The following NOTCH2 variants were observed in gnomAD, a reference collection of about 807,000 sequenced individuals.
NOTCH2 encodes neurogenic locus notch homolog protein 2.
In NOTCH2, 29 loss-of-function variants were observed where a neutral mutation model predicts 235.8. That is an observed-to-expected ratio of 0.12 (90% CI 0.09 to 0.17). NOTCH2 has a LOEUF of 0.17. Among genes scored for constraint, NOTCH2 ranks in the 10% least tolerant of loss-of-function variants. NOTCH2 has a pLI of 1.00. For missense variants in NOTCH2, 2,285 were observed against 3,150.2 expected (o/e 0.73, Z 6.57); for synonymous variants, 1,086 against 1,141.5 (o/e 0.95, Z 0.98).
intron 5 of NOTCH2, among the ~76,000 whole-genome samples, chr1:119,972,698 T>A (rs1553200520): frequency 6.6e-6 from 1 of 152,188 alleles, no homozygotes; most frequent in Non-Finnish European, 1.5e-5. Context: ...TGGGCTCCCA[T>A]AAAAATTGTC....
intron 22 of NOTCH2, among the ~76,000 whole-genome samples, chr1:119,934,492 A>G (rs1649777993): frequency 6.6e-6 from 1 of 152,166 alleles, no homozygotes; most frequent in Admixed American, 6.5e-5. Flanking sequence ...AATAAAGAAC[A>G]ATTCTCCTTT....
rs782007642 is a variant in NOTCH2 at position 119,965,579 on chromosome 1, C to G, written c.1568-13G>C. 5 of 1,528,576 alleles carry G rather than the reference C, an allele frequency of 3.3e-6. No homozygotes were observed. Among genetic ancestry groups the G allele is most frequent in the East Asian group, 2.2e-5 (1 of 44,456 alleles). 94.7% of individuals were successfully genotyped at this position (1,528,576 alleles called of 1,614,324 possible). On this transcript the variant is annotated splice_polypyrimidine_tract_variant and intron_variant, in intron 9 of 33. Coordinates refer to ENST00000256646, the MANE Select transcript of NOTCH2 (RefSeq NM_024408.4). The stretch of plus-strand genomic sequence containing the variant: ...GGCCCAGTGAAACCTCAAAAAGGGA[C>G]AGTGGTAACATGAGTCAAAGGATTA...
chr1:119,919,855 T>A (rs375564921), intron 30 of NOTCH2, among the ~76,000 whole-genome samples: 22 of 152,354 alleles, frequency 1.4e-4, no homozygotes, highest in South Asian at 8.3e-4. Context: ...CACGTTTTTC[T>A]GTTCAAGTTT....
Position 119,969,663 on chromosome 1 carries a change from T to A in NOTCH2, c.956A>T (p.Asn319Ile). 1 of 1,614,152 alleles carries A rather than the reference T, an allele frequency of 6.2e-7. No homozygotes were observed. Reference sequence around the variant, plus strand: ...GACACATACACAGCCATAGCCTCCATTGCGGTTGGCACAGGTGCCCCCATT... The same window carrying A: ...GACACATACACAGCCATAGCCTCCAATGCGGTTGGCACAGGTGCCCCCATT... ...CQNGGTCANR[N>I]GGYGCVCVNG... The change falls in exon 6 of 34, where the codon AAT (asparagine) becomes ATT (isoleucine). Residue 319 changes from asparagine (N) to isoleucine (I), a missense_variant. Physicochemically the swap from Asn to Ile is moderately radical, Grantham distance 149 (BLOSUM62 -3). This residue lies in a region of NOTCH2 where 431 missense variants were observed against 757.8 expected (regional missense o/e 0.57). Coordinates refer to ENST00000256646, the MANE Select transcript of NOTCH2 (RefSeq NM_024408.4).
intron 3 of NOTCH2, among the ~76,000 whole-genome samples, chr1:120,004,754 C>T (rs1307125994): frequency 3.3e-5 from 5 of 152,246 alleles, no homozygotes; most frequent in South Asian, 4.2e-4. Context: ...GTGAAGTAAA[C>T]TCTGATTCCC....
chr1:119,997,906 G>A (rs1229069564), intron 3 of NOTCH2, among the ~76,000 whole-genome samples: 7 of 145,204 alleles, frequency 4.8e-5, no homozygotes, highest in African/African-American at 1.1e-4. Flanking sequence ...CCCAGGAGGC[G>A]GAGGTTGCAG....
intron 1 of NOTCH2, among the ~76,000 whole-genome samples, chr1:120,065,278 A>G (rs797041614): frequency 8.5e-5 from 13 of 152,196 alleles, no homozygotes; most frequent in South Asian, 2.1e-4. Flanking sequence ...AAATAAGAAA[A>G]TGGCTAAAAA....
chr1:119,987,960 T>C (rs1652085401), intron 4 of NOTCH2, among the ~76,000 whole-genome samples: 1 of 152,218 alleles, frequency 6.6e-6, no homozygotes, highest in African/African-American at 2.4e-5. Flanking sequence ...TTACTTTCTC[T>C]TTCCTTGCTA....
intron 29 of NOTCH2, 121 bp downstream of exon 29, chr1:119,921,592 G>T: frequency 1.2e-6 from 1 of 834,386 alleles, no homozygotes; most frequent in Non-Finnish European, 2.1e-6. Flanking sequence ...TTATTGTCTG[G>T]GTAAGACATC....
chr1:119,921,927 GC>G, intron 28 of NOTCH2, 118 bp from the exon 29 acceptor site: 1 of 886,524 alleles, frequency 1.1e-6, no homozygotes, highest in Non-Finnish European at 1.8e-6. Context: ...CAGGGTCTTG[GC>G]CCAGAGAAGA....
chr1:120,003,244 A>G (rs1308878834), intron 3 of NOTCH2, among the ~76,000 whole-genome samples: 2 of 152,090 alleles, frequency 1.3e-5, no homozygotes, highest in African/African-American at 4.8e-5. Context: ...TCGAACCCCA[A>G]GTTCTTTGGT....
At position 119,952,544 on chromosome 1, in the gene NOTCH2, TC is replaced by T. The variant is rs587616645; in HGVS notation, c.2365+998del. On this transcript the variant is annotated intron_variant, in intron 14 of 33. Transcript: ENST00000256646. Reference sequence around the variant, plus strand: ...TCTTATAAGGAGCGCACAATCTACATCCTTCACATGTGGAGTTCACAATAGG... The same window carrying T: ...TCTTATAAGGAGCGCACAATCTACATCTTCACATGTGGAGTTCACAATAGG... Among the ~76,000 whole-genome samples, 266 of 152,302 alleles carry T rather than the reference TC, an allele frequency of 1.7e-3. 1 individual carries two copies. The highest frequency in any genetic ancestry group is 6.0e-3 in the African/African-American group (250 of 41,566).
At chr1:120,048,035 G>T (rs1570784346) in intron 1 of NOTCH2, among the ~76,000 whole-genome samples, 1 of 151,824 alleles carries the variant, frequency 6.6e-6, no homozygotes. Flanking sequence ...CAAAGTTCTG[G>T]GATTAACAGG....
chr1:119,997,844 C>T (rs1292434506), intron 3 of NOTCH2, among the ~76,000 whole-genome samples: 8 of 139,882 alleles, frequency 5.7e-5, no homozygotes, highest in South Asian at 2.5e-4. Context: ...CATGGTGGCG[C>T]GCACCTGTGA....
chr1:119,937,311 T>C lies in NOTCH2; in HGVS notation c.3493A>G (p.Ser1165Gly), dbSNP rs919983568. The part of the protein sequence containing the change: ...SNPCQHGATC[S>G]DFIGGYRCEC... ...CATCTGTATCCACCAATGAAGTCAC[T>C]GCATGTTGCCCCGTGCTGGCAGGGG... is the stretch of plus-strand genomic sequence containing the variant. The change falls in exon 21 of 34, where the codon AGT becomes GGT. Residue 1165 changes from serine to glycine, a missense_variant. Physicochemically the swap from Ser to Gly is moderately conservative, Grantham distance 56. Around this residue, in one of 6 missense-constraint regions of NOTCH2, gnomAD observed 1,173 missense variants for 1,515.3 expected, o/e 0.77. Transcript: ENST00000256646. 6.2e-7 allele frequency: 1 copy of C among 1,613,750 alleles called. No individual in the cohort carries two copies. Among genetic ancestry groups the C allele is most frequent in the South Asian group, 1.1e-5 (1 of 91,058 alleles).
intron 26 of NOTCH2, among the ~76,000 whole-genome samples, chr1:119,923,002 C>T (rs193263463): frequency 6.6e-6 from 1 of 152,326 alleles, no homozygotes; most frequent in East Asian, 1.9e-4. Context: ...TCCCACCTTC[C>T]TTAGTCTGGC....
intron 13 of NOTCH2, among the ~76,000 whole-genome samples, chr1:119,954,595 G>C (rs900959175): frequency 3.9e-5 from 6 of 152,114 alleles, no homozygotes; most frequent in Non-Finnish European, 8.8e-5. Context: ...GTTTTATCAG[G>C]GACATTTCTA....
chr1:119,958,752 G>A lies in NOTCH2; in HGVS notation c.2026+640C>T, dbSNP rs190783607. On this transcript the variant is annotated intron_variant, in intron 12 of 33. Coordinates refer to ENST00000256646, the MANE Select transcript of NOTCH2 (RefSeq NM_024408.4). ...TGTGTGTGTGTGTGTCTGTGTGTGC[G>A]TGTGCATGTACACGCACATGTGTGT... 5.1e-3 allele frequency among the ~76,000 whole-genome samples: 777 copies of A among 152,104 alleles called. 2 individuals carry two copies. Among genetic ancestry groups the A allele is most frequent in the Middle Eastern group, 0.024 (7 of 294 alleles).
At chr1:119,968,301 C>T in intron 6 of NOTCH2, 69 bp from the exon 7 acceptor site, 1 of 1,508,904 alleles carries the variant, frequency 6.6e-7, no homozygotes, top group Non-Finnish European at 9.1e-7. Flanking sequence ...CTTTCTCTTT[C>T]ACCCAGGAGG....
Sources: allele counts gnomAD v4.1 joint callset (sites outside exome capture counted in the v4.1 genomes callset), GRCh38; gene constraint gnomAD v4.1.1; regional missense constraint gnomAD v4.1.1; transcripts MANE v1.5; gene names NCBI Gene and HGNC (gene_info 2026-07-23, HGNC 2026-07-21).